Variants in FGFR2 observed in about 807,000 individuals in gnomAD.
FGFR2 encodes BEK fibroblast growth factor receptor.
FGFR2 carries 19 observed loss-of-function variants against 95.9 expected under a neutral mutation model. The observed-to-expected ratio is 0.20, with a 90% CI of 0.14 to 0.29. The LOEUF is 0.29. FGFR2 is among the 10% of genes least tolerant of loss of function. FGFR2 has a pLI of 1.00. For synonymous variants in FGFR2, 392 were observed against 393.3 expected, an observed-to-expected ratio of 1.00 and a Z score of 0.04; for missense variants, 707 against 1,056.9, an observed-to-expected ratio of 0.67 and a Z score of 4.59.
In FGFR2 at chr10:121,517,690, A is replaced by T. The variant is rs1372169608; in HGVS notation, c.940-227T>A. ...CACCGGCTTCACCTCCTACACATGC[A>T]CGCAATCAAACGCATGGAAAAAATC... On this transcript the variant is annotated intron_variant, in intron 7 of 17. Transcript: ENST00000358487. The surrounding 1 kb of genome is among the most constrained non-coding windows in gnomAD (Gnocchi z 4.7). 6.6e-6 allele frequency among the ~76,000 whole-genome samples: 1 copy of T among 151,972 alleles called. No homozygotes were observed. The highest frequency in any genetic ancestry group is 1.9e-4 in the East Asian group (1 of 5,170).
rs1845036281 is a variant in FGFR2 at position 121,483,610 on chromosome 10, A to T, written c.2301+88T>A. 3.0e-5 allele frequency: 28 copies of T among 935,806 alleles called. No individual in the cohort carries two copies. In the South Asian group the frequency reaches 3.9e-4, roughly 13 times the overall value. The allele number at this position is 935,806 out of a possible 1,614,324, so 58.0% of individuals were successfully genotyped here. A position where few individuals can be genotyped will look rare whatever the true frequency, so the allele number is the denominator to read the frequency against. ...TAAACAAGACCACAGACTCCAACCA[A>T]CAGCCAACAGGGGAGTGTGTGTGTA... On this transcript the variant is annotated intron_variant, in intron 17 of 17. Transcript: ENST00000358487.
In FGFR2 at chr10:121,598,387, C is replaced by T. The variant is rs1276370631; in HGVS notation, c.-576G>A. The T allele has an allele frequency of 4.4e-5, 7 of 160,540 alleles. No homozygotes were observed. The highest frequency in any genetic ancestry group is 1.3e-5 in the Non-Finnish European group (1 of 74,226). 9.9% of individuals were successfully genotyped at this position (160,540 alleles called of 1,614,324 possible). ...GCCCGAGCTTTGTGGCGGCCGCGCG[C>T]GCTCCCTCGCCCGCTCCGCACCCGC... is the stretch of plus-strand genomic sequence containing the variant. On this transcript the variant is annotated 5_prime_UTR_variant, in exon 1 of 18. Transcript: ENST00000358487.
At chr10:121,590,138 T>C (rs761547891) in intron 2 of FGFR2, among the ~76,000 whole-genome samples, 1 of 152,070 alleles carries the variant, frequency 6.6e-6, no homozygotes, top group Non-Finnish European at 1.5e-5. Flanking sequence ...TGACAAAAAA[T>C]TGCTACACAA....
In FGFR2 at chr10:121,490,211, T is replaced by C. The variant is rs546605930; in HGVS notation, c.1864-2098A>G. On this transcript the variant is annotated intron_variant, in intron 13 of 17. Transcript: ENST00000358487. ...GGAGTTTCACTCTTGTTTCCCAGGCTAGAGTGCAGTGGCACGATCTTGGCT... is the reference window on the plus strand; with the variant it reads ...GGAGTTTCACTCTTGTTTCCCAGGCCAGAGTGCAGTGGCACGATCTTGGCT... 5.9e-5 allele frequency among the ~76,000 whole-genome samples: 8 copies of C among 135,218 alleles called. No homozygotes were observed. The East Asian group carries it at 2.1e-3, about 35-fold the overall frequency. The allele number at this position is 135,218 out of a possible 152,430, so 88.7% of individuals were successfully genotyped here.
intron 6 of FGFR2, chr10:121,538,367 T>C (rs1853173230): frequency 1.2e-6 from 1 of 801,062 alleles, no homozygotes; most frequent in South Asian, 1.3e-5. Context: ...CAGATGACGC[T>C]TGGGAACCAT....
chr10:121,526,911 A>G (rs1589863336), intron 6 of FGFR2: 1 of 395,750 alleles, frequency 2.5e-6, no homozygotes, highest in Non-Finnish European at 4.4e-6. Flanking sequence ...TGGGGCTCCC[A>G]CTTCCTCTAA....
At chr10:121,511,225 G>A (rs1849021468) in intron 9 of FGFR2, among the ~76,000 whole-genome samples, 1 of 151,998 alleles carries the variant, frequency 6.6e-6, no homozygotes, top group South Asian at 2.1e-4. Flanking sequence ...GCTGACGGCA[G>A]TGAGAGAGGG....
intron 13 of FGFR2, among the ~76,000 whole-genome samples, chr10:121,491,645 C>T (rs183489998): frequency 1.3e-5 from 2 of 152,048 alleles, no homozygotes; most frequent in Admixed American, 1.3e-4. Flanking sequence ...CCAAGGCAGG[C>T]GGATCCCGAG....
intron 5 of FGFR2, among the ~76,000 whole-genome samples, chr10:121,548,173 C>G (rs1854805413): frequency 6.7e-6 from 1 of 149,660 alleles, no homozygotes; most frequent in Non-Finnish European, 1.5e-5. Context: ...CCTTTCTCCA[C>G]CAGAGAACCA....
At chr10:121,555,026 G>C (rs1423269695) in intron 4 of FGFR2, among the ~76,000 whole-genome samples, 1 of 152,182 alleles carries the variant, frequency 6.6e-6, no homozygotes, top group Non-Finnish European at 1.5e-5. Context: ...GCAGAGATCA[G>C]CCTTGTCCAT....
At chr10:121,555,401 C>A (rs75301464) in intron 4 of FGFR2, among the ~76,000 whole-genome samples, 13 of 122,982 alleles carry the variant, frequency 1.1e-4, no homozygotes, top group African/African-American at 5.6e-4. Context: ...ATCAATCAAT[C>A]AAATGAATCT....
intron 6 of FGFR2, chr10:121,527,745 A>T (rs139474622): frequency 2.6e-5 from 4 of 152,280 alleles, no homozygotes; most frequent in Non-Finnish European, 5.9e-5. Flanking sequence ...CTCCTGACCC[A>T]CACACACTAG....
At chr10:121,555,887 C>T (rs1309738877) in intron 4 of FGFR2, among the ~76,000 whole-genome samples, 3 of 152,204 alleles carry the variant, frequency 2.0e-5, no homozygotes, top group Admixed American at 6.5e-5. Context: ...CCCACAGAAA[C>T]TTCCTTCAAA....
At chr10:121,520,981 C>T (rs1850462046) in intron 6 of FGFR2, among the ~76,000 whole-genome samples, 1 of 152,198 alleles carries the variant, frequency 6.6e-6, no homozygotes, top group Non-Finnish European at 1.5e-5. Flanking sequence ...GACTTCCAAC[C>T]TTTGTTTTAA....
At chr10:121,491,515 C>A (rs991737497) in intron 13 of FGFR2, among the ~76,000 whole-genome samples, 3 of 152,154 alleles carry the variant, frequency 2.0e-5, no homozygotes, top group African/African-American at 7.2e-5. Context: ...ATTCCTGCGG[C>A]AACCTATGAC....
intron 6 of FGFR2, among the ~76,000 whole-genome samples, chr10:121,533,983 G>T (rs1382689248): frequency 1.3e-5 from 2 of 150,982 alleles, no homozygotes; most frequent in Non-Finnish European, 2.9e-5. Context: ...AAGTCCAACA[G>T]CCAAATCAGT....
At chr10:121,575,108 T>C (rs1163726002) in intron 2 of FGFR2, among the ~76,000 whole-genome samples, 1 of 152,242 alleles carries the variant, frequency 6.6e-6, no homozygotes, top group Non-Finnish European at 1.5e-5. Context: ...GTTTCCAATA[T>C]GGTAACCATT....
At chr10:121,551,911 A>G (rs1855468381) in intron 4 of FGFR2, among the ~76,000 whole-genome samples, 1 of 152,156 alleles carries the variant, frequency 6.6e-6, no homozygotes, top group Non-Finnish European at 1.5e-5. Context: ...CAACTTATCC[A>G]TTGGAGCCTT....
At chr10:121,565,850 C>T (rs1857600972) in intron 2 of FGFR2, 146 bp from the exon 3 acceptor site, 5 of 907,014 alleles carry the variant, frequency 5.5e-6, no homozygotes, top group Non-Finnish European at 8.7e-6. Context: ...TCCACCTCTC[C>T]CCAAGCCCCA....
Sources: gnomAD v4.1 joint callset for allele counts (sites outside exome capture counted in the v4.1 genomes callset) on GRCh38, gnomAD v4.1.1 for gene constraint, Gnocchi (gnomAD v3.1) non-coding constraint, MANE v1.5 for transcripts, NCBI Gene and HGNC (gene_info 2026-07-23, HGNC 2026-07-21) for gene names.